RMND1: variants seen among roughly 807,000 people sequenced by gnomAD.
The protein encoded by RMND1 is required for meiotic nuclear division 1 homolog.
A neutral mutation model predicts 54.0 loss-of-function variants in RMND1; 41 were observed. The observed-to-expected ratio is 0.76, with a 90% CI of 0.59 to 0.98. The LOEUF (loss-of-function observed/expected upper bound fraction) is 0.98, where lower values mean the gene tolerates loss of function less well. RMND1 is among the 50% of genes least tolerant of loss of function. The probability of loss-of-function intolerance (pLI) is 0.00; values close to 1 mark genes in which losing one functional copy is unlikely to be tolerated. For synonymous variants in RMND1, 183 were observed against 181.7 expected (o/e 1.01, Z -0.06); for missense variants, 457 against 532.0 (o/e 0.86, Z 1.39).
intron 8 of RMND1, 119 bp from the exon 9 acceptor site, chr6:151,421,440 G>T: frequency 4.8e-6 from 3 of 624,198 alleles, no homozygotes; most frequent in South Asian, 2.1e-5. Flanking sequence ...ATATTTTTTA[G>T]GATGGCTGTC....
Position 151,445,661 on chromosome 6 carries a change from C to T in RMND1, c.151G>A (p.Asp51Asn). The change falls in exon 2 of 12, where the codon GAT becomes AAT. Residue 51 changes from aspartate to asparagine, a missense_variant. Transcript: ENST00000444024. ...GCTGTTTTATCAGGAAGGAACAAAT[C>T]CAAGCTTTGACGTATTGTCAGTGTG... ...CSTLTIRQSL[D>N]LFLPDKTASG... 6.2e-7 allele frequency: 1 copy of T among 1,614,118 alleles called. No individual in the cohort carries two copies. Among genetic ancestry groups the T allele is most frequent in the South Asian group, 1.1e-5 (1 of 91,082 alleles).
intron 10 of RMND1, among the ~76,000 whole-genome samples, chr6:151,416,322 G>A (rs1307943117): frequency 1.3e-5 from 2 of 151,718 alleles, no homozygotes; most frequent in Non-Finnish European, 2.9e-5. Context: ...ATCTATAGAT[G>A]TGGCAAAATG....
At chr6:151,410,634 G>C (rs1256980398) in intron 10 of RMND1, among the ~76,000 whole-genome samples, 1 of 152,044 alleles carries the variant, frequency 6.6e-6, no homozygotes, top group Admixed American at 6.6e-5. Flanking sequence ...AGTGAGACTG[G>C]GGAATGAAAT....
At chr6:151,428,548 A>G (rs1353703673) in intron 5 of RMND1, among the ~76,000 whole-genome samples, 2 of 152,218 alleles carry the variant, frequency 1.3e-5, no homozygotes, top group African/African-American at 4.8e-5. Flanking sequence ...GTATATATGT[A>G]ACAGACAGGG....
At chr6:151,412,143 A>C (rs1779860661) in intron 10 of RMND1, among the ~76,000 whole-genome samples, 1 of 152,064 alleles carries the variant, frequency 6.6e-6, no homozygotes, top group African/African-American at 2.4e-5. Context: ...CTGGGATTAC[A>C]GGCGTCCACC....
At chr6:151,422,419 G>A (rs1343762292) in intron 8 of RMND1, 122 bp downstream of exon 8, 1 of 491,856 alleles carries the variant, frequency 2.0e-6, no homozygotes, top group African/African-American at 2.0e-5. Flanking sequence ...GGTATCCAGT[G>A]GGGTCTTGGA....
At chr6:151,428,037 A>G (rs1780351729) in intron 5 of RMND1, among the ~76,000 whole-genome samples, 2 of 152,142 alleles carry the variant, frequency 1.3e-5, no homozygotes, top group African/African-American at 4.8e-5. Flanking sequence ...GCTACCTGAG[A>G]GGCTGGCTTG....
At chr6:151,437,736 TC>T (rs60124909) in intron 2 of RMND1, among the ~76,000 whole-genome samples, 1 of 152,270 alleles carries the variant, frequency 6.6e-6, no homozygotes, top group African/African-American at 2.4e-5. Context: ...ATTCATTCCT[TC>T]CTCCCACCTC....
At chr6:151,410,101 C>T (rs936506659) in intron 10 of RMND1, among the ~76,000 whole-genome samples, 1 of 150,188 alleles carries the variant, frequency 6.7e-6, no homozygotes, top group Non-Finnish European at 1.5e-5. Flanking sequence ...GTCACCCAGG[C>T]TGGACTGCAG....
chr6:151,433,245 A>G lies in RMND1; in HGVS notation c.614-15T>C. The G allele has an allele frequency of 6.3e-7, 1 of 1,584,450 alleles. No homozygotes were observed. Among genetic ancestry groups the G allele is most frequent in the Non-Finnish European group, 8.7e-7 (1 of 1,155,838 alleles). On this transcript the variant is annotated splice_polypyrimidine_tract_variant and intron_variant, in intron 3 of 11. Transcript: ENST00000444024. Reference sequence around the variant, plus strand: ...ATTTGCTGCATCTGTGATTTAAAATAAACGAACAAAAAAGCTATGTCAAGG... The same window carrying G: ...ATTTGCTGCATCTGTGATTTAAAATGAACGAACAAAAAAGCTATGTCAAGG...
chr6:151,424,735 C>T (rs1412772912), intron 6 of RMND1, among the ~76,000 whole-genome samples: 1 of 151,548 alleles, frequency 6.6e-6, no homozygotes. Context: ...GAGTATGTGA[C>T]TGTGGAGAAT....
chr6:151,405,721 T>A lies in RMND1; in HGVS notation c.1316A>T (p.Glu439Val). ...EWMIVILITI[E>V]VMFELGRVFF is the part of the protein sequence containing the mutation. ...TAGTACAGAGCATTTCCATCTTACC[T>A]CTATGGTAATGAGGATGACAATCAT... Residue 439 changes from glutamate (E) to valine (V), a missense_variant and splice_region_variant, in exon 11 of 12, where the codon GAG becomes GTG. By Grantham distance (121) the Glu-to-Val change is moderately radical. Coordinates refer to ENST00000444024, the MANE Select transcript of RMND1 (RefSeq NM_017909.4). The A allele has an allele frequency of 7.0e-7, 1 of 1,432,452 alleles. No homozygotes were observed. Among genetic ancestry groups the A allele is most frequent in the Non-Finnish European group, 9.9e-7 (1 of 1,014,676 alleles). 88.7% of individuals were successfully genotyped at this position (1,432,452 alleles called of 1,614,324 possible).
intron 1 of RMND1, among the ~76,000 whole-genome samples, chr6:151,451,487 G>A (rs1370271278): frequency 6.6e-6 from 1 of 152,000 alleles, no homozygotes; most frequent in Non-Finnish European, 1.5e-5. Flanking sequence ...CAAAGCTAAA[G>A]GAAAAAAATA....
chr6:151,424,287 C>T (rs777316463), intron 6 of RMND1, among the ~76,000 whole-genome samples: 2 of 151,902 alleles, frequency 1.3e-5, no homozygotes, highest in African/African-American at 2.4e-5. Flanking sequence ...GGTGAAACCC[C>T]GTCTCTACTC....
chr6:151,410,946 G>A (rs1354189438), intron 10 of RMND1, among the ~76,000 whole-genome samples: 6 of 151,908 alleles, frequency 3.9e-5, no homozygotes, highest in Non-Finnish European at 8.8e-5. Context: ...CTTCCTGTAG[G>A]AGACTTTATC....
At position 151,436,197 on chromosome 6, in the gene RMND1, T is replaced by C. The variant is rs112251475; in HGVS notation, c.613+249A>G. 0.045 allele frequency: 17,596 copies of C among 392,640 alleles called. 1,970 individuals are homozygous for C. Among genetic ancestry groups the C allele is most frequent in the African/African-American group, 0.28 (13,545 of 49,114 alleles). 24.3% of individuals were successfully genotyped at this position (392,640 alleles called of 1,614,324 possible). On this transcript the variant is annotated intron_variant, in intron 3 of 11. Transcript: ENST00000444024. ...GTGCTAGAAATGAAGTAGTATGACC[T>C]CTGACCACCTCAAGTAATAATGATC... is the stretch of plus-strand genomic sequence containing the variant.
At chr6:151,427,828 C>A (rs1048041590) in intron 5 of RMND1, among the ~76,000 whole-genome samples, 1 of 152,176 alleles carries the variant, frequency 6.6e-6, no homozygotes. Context: ...CATTATCCCA[C>A]AACCCAAGGA....
At chr6:151,413,919 G>C (rs926289309) in intron 10 of RMND1, 3 of 152,208 alleles carry the variant, frequency 2.0e-5, no homozygotes, top group African/African-American at 7.2e-5. Flanking sequence ...CAGAGGAATA[G>C]GTGGTGCCAA....
In RMND1 at chr6:151,405,205, T is replaced by C. The variant is rs1396093900; in HGVS notation, c.*30A>G. ...TTTTTGATTGTAGAACTTGAATATC[T>C]CTTGCAGTGACACTTTGGTTATCAC... On this transcript the variant is annotated 3_prime_UTR_variant, in exon 12 of 12. Transcript: ENST00000444024. 1.9e-6 allele frequency: 3 copies of C among 1,597,422 alleles called. No individual in the cohort carries two copies. In the African/African-American group the frequency reaches 4.0e-5, roughly 21 times the overall value.
Sources: allele counts gnomAD v4.1 joint callset (sites outside exome capture counted in the v4.1 genomes callset), GRCh38; gene constraint gnomAD v4.1.1; transcripts MANE v1.5; gene names NCBI Gene and HGNC (gene_info 2026-07-23, HGNC 2026-07-21).